The following RSRC2 variants were observed in gnomAD, a reference collection of about 807,000 sequenced individuals.
RSRC2 encodes arginine/serine-rich coiled-coil protein 2.
In RSRC2, 5 loss-of-function variants were observed where a neutral mutation model predicts 61.3. That is an observed-to-expected ratio of 0.08 (90% CI 0.04 to 0.17). The LOEUF (loss-of-function observed/expected upper bound fraction) is 0.17. Ranked by LOEUF, RSRC2 falls within the 10% of genes least tolerant of loss-of-function variation. The pLI is 1.00. For missense variants in RSRC2, 381 were observed against 518.8 expected (o/e 0.73, Z 2.58); for synonymous variants, 202 against 166.5 (o/e 1.21, Z -1.64).
chr12:122,520,185 C>T (rs1423782094), intron 3 of RSRC2: 1 of 206,006 alleles, frequency 4.9e-6, no homozygotes, highest in Non-Finnish European at 1.0e-5. Context: ...CATTTTGGAA[C>T]ATGCATGATG....
At chr12:122,510,680 T>C (rs914659447) in intron 7 of RSRC2, among the ~76,000 whole-genome samples, 2 of 151,814 alleles carry the variant, frequency 1.3e-5, no homozygotes, top group Non-Finnish European at 1.5e-5. Context: ...TACAGTGTAC[T>C]GATGGGAAGT....
rs1387921921 is a variant in RSRC2, at chr12:122,518,965, T to C, written c.272A>G (p.Lys91Arg). ...TCTTCCTTTATCAGAAGAATGTTCT[T>C]TGTCATTATGTTCCTCAGACTTATG... ...KKHKSEEHND[K>R]EHSSDKGRER... is the part of the protein sequence containing the mutation. Residue 91 changes from lysine (K) to arginine (R), a missense_variant, in exon 4 of 10, where the codon AAA becomes AGA. Transcript: ENST00000331738. The C allele has an allele frequency of 2.5e-6, 4 of 1,613,850 alleles. No individual in the cohort carries two copies. The highest frequency in any genetic ancestry group is 1.3e-5 in the African/African-American group (1 of 75,060).
At position 122,517,243 on chromosome 12, in the gene RSRC2, T is replaced by C. The variant is rs1321560573; in HGVS notation, c.586A>G (p.Thr196Ala). ...HRHRTRSRSRTRSRSRDRKKR... is the reference protein window; with the variant it reads ...HRHRTRSRSRARSRSRDRKKR... ...GTCACCTACCGACTCCTACTCCTTGTCCTACTCCTGCTTCTAGTCCTATGC... is the reference window on the plus strand; with the variant it reads ...GTCACCTACCGACTCCTACTCCTTGCCCTACTCCTGCTTCTAGTCCTATGC... The change falls in exon 5 of 10, where the codon ACA (threonine) becomes GCA (alanine). Residue 196 changes from threonine to alanine, a missense_variant. By Grantham distance (58) the Thr-to-Ala change is moderately conservative. Transcript: ENST00000331738. 6.2e-7 allele frequency: 1 copy of C among 1,614,170 alleles called. No homozygotes were observed. The highest frequency in any genetic ancestry group is 8.5e-7 in the Non-Finnish European group (1 of 1,180,022).
intron 1 of RSRC2, among the ~76,000 whole-genome samples, chr12:122,525,740 G>A (rs1046652031): frequency 1.3e-5 from 2 of 151,424 alleles, no homozygotes; most frequent in African/African-American, 4.8e-5. Context: ...TTATACACAC[G>A]CAGGCTTATT....
chr12:122,505,708 T>TA lies in RSRC2; in HGVS notation c.1126-3dup. ...GCTACATCCAGCTTCATCTTCACTCTAAAAATCAGACATAAAACATTACAA... is the reference window on the plus strand; with the variant it reads ...GCTACATCCAGCTTCATCTTCACTCTAAAAAATCAGACATAAAACATTACAA... On this transcript the variant is annotated splice_polypyrimidine_tract_variant and splice_region_variant and intron_variant, in intron 9 of 9. Coordinates refer to ENST00000331738, the MANE Select transcript of RSRC2 (RefSeq NM_023012.6). 2 of 1,610,448 alleles carry TA rather than the reference T, an allele frequency of 1.2e-6. No individual in the cohort carries two copies. Among genetic ancestry groups the TA allele is most frequent in the Middle Eastern group, 1.7e-4 (1 of 6,036 alleles).
At chr12:122,526,684 T>C (rs887888861) in intron 1 of RSRC2, among the ~76,000 whole-genome samples, 164 bp downstream of exon 1, 4 of 151,640 alleles carry the variant, frequency 2.6e-5, no homozygotes, top group African/African-American at 9.7e-5. Context: ...CCGCCTTACT[T>C]CCCCCTCCCT....
At chr12:122,511,012 G>A (rs771853021) in intron 7 of RSRC2, 97 bp downstream of exon 7, 1 of 820,944 alleles carries the variant, frequency 1.2e-6, no homozygotes, top group Non-Finnish European at 1.9e-6. Flanking sequence ...TGGAGCCACT[G>A]CACTCCAGTC....
intron 5 of RSRC2, among the ~76,000 whole-genome samples, chr12:122,516,059 T>G (rs1170896868): frequency 6.6e-6 from 1 of 152,016 alleles, no homozygotes; most frequent in African/African-American, 2.4e-5. Context: ...ATTGGTAAGG[T>G]TCAAAGTAGT....
At chr12:122,507,316 A>T (rs1478940001) in intron 8 of RSRC2, 8 of 239,008 alleles carry the variant, frequency 3.3e-5, no homozygotes, top group Non-Finnish European at 4.2e-5. Context: ...TGGGAGGCAG[A>T]GGTTGCAGTG....
intron 3 of RSRC2, chr12:122,521,063 G>A: frequency 3.6e-6 from 1 of 276,022 alleles, no homozygotes; most frequent in South Asian, 5.9e-5. Flanking sequence ...CTGAGCAACT[G>A]TCAGGCACCA....
chr12:122,520,478 T>C lies in RSRC2; in HGVS notation c.207+907A>G, dbSNP rs377420140. On this transcript the variant is annotated intron_variant, in intron 3 of 9. Coordinates refer to ENST00000331738, the MANE Select transcript of RSRC2 (RefSeq NM_023012.6). ...TGATTTAAGATATATTTAAGGGAAA[T>C]AGGAGTTTGAATGACTAATAGTTAC... 1.3e-5 allele frequency: 16 copies of C among 1,202,102 alleles called. No individual in the cohort carries two copies. The African/African-American group carries it at 1.7e-4, about 13-fold the overall frequency. 74.5% of individuals were successfully genotyped at this position (1,202,102 alleles called of 1,614,324 possible).
chr12:122,517,516 CG>C, intron 4 of RSRC2, 86 bp from the exon 5 acceptor site: 2 of 1,522,910 alleles, frequency 1.3e-6, no homozygotes, highest in Non-Finnish European at 1.8e-6. Flanking sequence ...CTTGTAGTAA[CG>C]CAATAAAGAC....
At chr12:122,521,076 A>G (rs1242796339) in intron 3 of RSRC2, 3 of 290,236 alleles carry the variant, frequency 1.0e-5, no homozygotes, top group Non-Finnish European at 1.9e-5. Flanking sequence ...AGGCACCAGG[A>G]GACTCGGGAC....
intron 3 of RSRC2, chr12:122,519,589 T>C (rs1444061289): frequency 1.3e-5 from 2 of 154,078 alleles, no homozygotes; most frequent in Non-Finnish European, 2.9e-5. Context: ...TTCCTCCCAA[T>C]GTCTAAACTG....
intron 6 of RSRC2, among the ~76,000 whole-genome samples, chr12:122,513,098 G>A (rs1228743313): frequency 2.0e-5 from 3 of 151,858 alleles, no homozygotes; most frequent in African/African-American, 7.3e-5. Context: ...GGGAGGCTGA[G>A]GCACGAGAAT....
At chr12:122,516,765 T>G (rs1958963673) in intron 5 of RSRC2, among the ~76,000 whole-genome samples, 1 of 152,190 alleles carries the variant, frequency 6.6e-6, no homozygotes, top group Non-Finnish European at 1.5e-5. Context: ...TGATCTTGGC[T>G]CACTGCAACC....
chr12:122,510,185 ACATATTTCAGATCAGTTCACTT>A (rs544971013), intron 7 of RSRC2, among the ~76,000 whole-genome samples: 7 of 152,346 alleles, frequency 4.6e-5, no homozygotes, highest in African/African-American at 1.7e-4. Context: ...AAAGAGAAAT[ACATATTTCAGATCAGTTCACTT>A]TCTTGCATAA....
intron 8 of RSRC2, chr12:122,507,866 G>C (rs1270598448): frequency 3.2e-6 from 1 of 315,004 alleles, no homozygotes. Flanking sequence ...GCATGATCTT[G>C]GCTCACTGTA....
At chr12:122,506,412 A>AT (rs1334091846) in intron 9 of RSRC2, 1 of 161,080 alleles carries the variant, frequency 6.2e-6, no homozygotes, top group Admixed American at 6.2e-5. Context: ...TATGTAGAAG[A>AT]TGTCAGGGTA....
Sources: gnomAD v4.1 joint callset for allele counts (sites outside exome capture counted in the v4.1 genomes callset) on GRCh38, gnomAD v4.1.1 for gene constraint, MANE v1.5 for transcripts, NCBI Gene and HGNC (gene_info 2026-07-23, HGNC 2026-07-21) for gene names.